FSTL5: variants seen among roughly 807,000 people sequenced by gnomAD.
FSTL5 encodes the protein follistatin like 5, also known as follistatin-related protein 5.
A neutral mutation model predicts 89.1 loss-of-function variants in FSTL5; 62 were observed. The observed-to-expected ratio is 0.70, with a 90% confidence interval of 0.57 to 0.86. The LOEUF (loss-of-function observed/expected upper bound fraction) is 0.86. FSTL5 is among the 40% of genes least tolerant of loss of function. The pLI, the probability that FSTL5 is intolerant of heterozygous loss-of-function variation, is 0.00. For missense variants in FSTL5, 1,057 were observed against 1,001.6 expected (o/e 1.06, Z -0.75); for synonymous variants, 383 against 346.2 (o/e 1.11, Z -1.18).
rs986292365 is a variant in FSTL5 at position 162,097,161 on chromosome 4, G to T, written c.126+14110C>A. On this transcript the variant is annotated intron_variant, in intron 2 of 15. Coordinates refer to ENST00000306100, the MANE Select transcript of FSTL5 (RefSeq NM_020116.5). ...ATATTTAATCTTCTCAGAGAAATGA[G>T]TTATAGGCATAATATATTAGGGAAA... Among the ~76,000 whole-genome samples, 3 of 151,722 alleles carry T rather than the reference G, an allele frequency of 2.0e-5. No homozygotes were observed. In the South Asian group the frequency reaches 6.2e-4, roughly 31 times the overall value.
intron 4 of FSTL5, among the ~76,000 whole-genome samples, chr4:161,915,271 C>T (rs1240674741): frequency 6.6e-6 from 1 of 151,786 alleles, no homozygotes; most frequent in Non-Finnish European, 1.5e-5. Context: ...TGCTGGCATT[C>T]TCTGTATCTC....
intron 4 of FSTL5, among the ~76,000 whole-genome samples, chr4:161,825,796 C>T (rs1246235822): frequency 6.6e-6 from 1 of 152,038 alleles, no homozygotes; most frequent in South Asian, 2.1e-4. Flanking sequence ...TAGTTAATCT[C>T]ACTAATGGTC....
chr4:161,437,362 C>T (rs990187681), intron 15 of FSTL5, among the ~76,000 whole-genome samples: 1 of 151,758 alleles, frequency 6.6e-6, no homozygotes, highest in East Asian at 1.9e-4. Context: ...GTCAGGAGAT[C>T]GAGACCATCC....
At chr4:161,568,749 C>G (rs559749517) in intron 8 of FSTL5, among the ~76,000 whole-genome samples, 42 of 152,098 alleles carry the variant, frequency 2.8e-4, no homozygotes, top group African/African-American at 8.4e-4. Flanking sequence ...TGTTTCTTAA[C>G]CAGGTCTGTA....
rs997686755 is a variant in FSTL5, at chr4:162,070,283, C to G, written c.127-36625G>C. On this transcript the variant is annotated intron_variant, in intron 2 of 15. Transcript: ENST00000306100. ...GATATTAATTTGTTATTAGACAAAC[C>G]CTTTGCAAGTGTTTTATCCTATTTT... Among the ~76,000 whole-genome samples the G allele has an allele frequency of 3.3e-5, 5 of 151,756 alleles. 1 individual carries two copies. The Middle Eastern group carries it at 0.01, about 310-fold the overall frequency.
At chr4:161,597,616 C>A in intron 7 of FSTL5, among the ~76,000 whole-genome samples, 1 of 147,978 alleles carries the variant, frequency 6.8e-6, no homozygotes, top group African/African-American at 2.6e-5. Context: ...TACGCTAGAA[C>A]TTAAAGTATA....
intron 12 of FSTL5, among the ~76,000 whole-genome samples, chr4:161,481,937 G>A (rs575845350): frequency 1.6e-4 from 24 of 152,266 alleles, no homozygotes; most frequent in African/African-American, 3.4e-4. Context: ...AAGTAAAAGC[G>A]TATGAAATGT....
At chr4:161,678,310 G>T (rs966386727) in intron 6 of FSTL5, among the ~76,000 whole-genome samples, 12 of 151,806 alleles carry the variant, frequency 7.9e-5, no homozygotes, top group African/African-American at 2.9e-4. Context: ...TTAAAGGTGT[G>T]CTTTTTCCCT....
chr4:161,546,758 C>T (rs904768444), intron 8 of FSTL5, among the ~76,000 whole-genome samples: 7 of 151,626 alleles, frequency 4.6e-5, no homozygotes, highest in Non-Finnish European at 8.8e-5. Flanking sequence ...AGAACTTTTC[C>T]AAAATAAAGT....
intron 15 of FSTL5, among the ~76,000 whole-genome samples, chr4:161,443,456 T>C (rs1732843554): frequency 6.6e-6 from 1 of 152,052 alleles, no homozygotes; most frequent in Non-Finnish European, 1.5e-5. Context: ...AGTATGAGTT[T>C]AAGAAAAATC....
intron 3 of FSTL5, among the ~76,000 whole-genome samples, chr4:162,016,786 A>G (rs2111145541): frequency 6.6e-6 from 1 of 152,310 alleles, no homozygotes; most frequent in South Asian, 2.1e-4. Context: ...ACATGACTGG[A>G]CATAATTTGG....
At chr4:161,592,685 T>G (rs1482743570) in intron 7 of FSTL5, among the ~76,000 whole-genome samples, 1 of 152,218 alleles carries the variant, frequency 6.6e-6, no homozygotes, top group Non-Finnish European at 1.5e-5. Context: ...GATGGGCATT[T>G]GGGTTGGTTC....
At chr4:161,476,181 TTTTTTTTG>T (rs777919010) in intron 13 of FSTL5, among the ~76,000 whole-genome samples, 1 of 117,820 alleles carries the variant, frequency 8.5e-6, no homozygotes, top group Non-Finnish European at 1.7e-5. Flanking sequence ...TGGTTTTTTT[TTTTTTTTG>T]TTTGTTTGTT....
intron 4 of FSTL5, among the ~76,000 whole-genome samples, chr4:161,841,946 CTG>C (rs1384816943): frequency 1.3e-5 from 2 of 152,096 alleles, no homozygotes; most frequent in African/African-American, 4.8e-5. Context: ...GGATGTGAGG[CTG>C]TCTTTACAGT....
intron 4 of FSTL5, among the ~76,000 whole-genome samples, chr4:161,822,732 T>C (rs1730530217): frequency 6.6e-6 from 1 of 152,206 alleles, no homozygotes; most frequent in Admixed American, 6.5e-5. Context: ...CTGTTTGTAT[T>C]ACTGCTCTTT....
intron 8 of FSTL5, among the ~76,000 whole-genome samples, chr4:161,587,201 C>A (rs10000715): frequency 0.016 from 2,383 of 151,702 alleles, 59 homozygotes; most frequent in African/African-American, 0.054. Flanking sequence ...ATGTAAATTT[C>A]TTGTGTTCTA....
chr4:161,630,965 T>G (rs1337591162), intron 7 of FSTL5, among the ~76,000 whole-genome samples: 1 of 152,216 alleles, frequency 6.6e-6, no homozygotes, highest in Non-Finnish European at 1.5e-5. Context: ...TTCTGCGTTT[T>G]TCCAATATTC....
intron 7 of FSTL5, among the ~76,000 whole-genome samples, chr4:161,599,497 G>A (rs1011834568): frequency 1.3e-5 from 2 of 151,700 alleles, no homozygotes; most frequent in Non-Finnish European, 2.9e-5. Flanking sequence ...ATAACACCAA[G>A]TACAACAGAT....
intron 4 of FSTL5, among the ~76,000 whole-genome samples, chr4:161,846,201 T>A (rs1309392445): frequency 6.6e-6 from 1 of 152,182 alleles, no homozygotes; most frequent in Non-Finnish European, 1.5e-5. Flanking sequence ...TTAAATTATT[T>A]GCTATAATGA....
Sources: gnomAD v4.1 joint callset for allele counts (sites outside exome capture counted in the v4.1 genomes callset) on GRCh38, gnomAD v4.1.1 for gene constraint, MANE v1.5 for transcripts, NCBI Gene and HGNC (gene_info 2026-07-23, HGNC 2026-07-21) for gene names.